MSR1: variants seen among roughly 807,000 people sequenced by gnomAD.
MSR1 encodes macrophage scavenger receptor 1, also known as macrophage scavenger receptor types I and II.
In MSR1, 53 loss-of-function variants were observed where a neutral mutation model predicts 47.2. The observed-to-expected ratio is 1.12, with a 90% CI of 0.90 to 1.41. The LOEUF is 1.41. Ranked by LOEUF, MSR1 falls within the 40% of genes most tolerant of loss-of-function variation. MSR1 has a pLI of 0.00. For synonymous variants in MSR1, 239 were observed against 185.6 expected, an observed-to-expected ratio of 1.29 and a Z score of -2.34; for missense variants, 786 against 546.9, an observed-to-expected ratio of 1.44 and a Z score of -4.36.
chr8:16,162,041 T>G (rs901852881), intron 5 of MSR1, among the ~76,000 whole-genome samples: 1 of 151,998 alleles, frequency 6.6e-6, no homozygotes, highest in African/African-American at 2.4e-5. Context: ...TCAAAGTGAA[T>G]GAAGCTGGTT....
chr8:16,109,443 T>A lies in MSR1; in HGVS notation c.*642A>T, dbSNP rs759266353. 1.3e-5 allele frequency: 2 copies of A among 152,532 alleles called. No homozygotes were observed. The highest frequency in any genetic ancestry group is 4.8e-5 in the African/African-American group (2 of 41,430). 9.4% of individuals were successfully genotyped at this position (152,532 alleles called of 1,614,324 possible). On this transcript the variant is annotated 3_prime_UTR_variant, in exon 10 of 10. Transcript: ENST00000262101. ...TACTGATGGTCAGTTTTCTCATATG[T>A]CCTGCTTTCAATTTACTTCATGATT... is the stretch of plus-strand genomic sequence containing the variant.
chr8:16,115,132 T>C (rs896811028), intron 9 of MSR1, among the ~76,000 whole-genome samples: 1 of 152,122 alleles, frequency 6.6e-6, no homozygotes, highest in Non-Finnish European at 1.5e-5. Flanking sequence ...TGAGCCGAGA[T>C]TGTGCCACTG....
chr8:16,131,441 G>GTTTTTTTTTTTTTGT (rs1800254491), intron 8 of MSR1, among the ~76,000 whole-genome samples: 7 of 54,688 alleles, frequency 1.3e-4, no homozygotes, highest in African/African-American at 5.7e-4. Context: ...TCTGTTGATA[G>GTTTTTTTTTTTTTGT]TTTTTTTTTT....
Position 16,109,985 on chromosome 8 carries a change from C to T in MSR1, c.*100G>A. 7.1e-7 allele frequency: 1 copy of T among 1,407,578 alleles called. No individual in the cohort carries two copies. Among genetic ancestry groups the T allele is most frequent in the Non-Finnish European group, 9.9e-7 (1 of 1,006,320 alleles). 87.2% of individuals were successfully genotyped at this position (1,407,578 alleles called of 1,614,324 possible). On this transcript the variant is annotated 3_prime_UTR_variant, in exon 10 of 10. Transcript: ENST00000262101. Reference sequence around the variant, plus strand: ...TCTAAAATATTATTTGGGCAATATTCTTAATCTCTTAAATATTGATTAAAT... The same window carrying T: ...TCTAAAATATTATTTGGGCAATATTTTTAATCTCTTAAATATTGATTAAAT...
intron 3 of MSR1, among the ~76,000 whole-genome samples, chr8:16,170,217 G>A (rs566503480): frequency 3.9e-5 from 6 of 151,936 alleles, no homozygotes; most frequent in African/African-American, 9.7e-5. Flanking sequence ...GCGTGGTGGC[G>A]GGCGCCTGCA....
rs143557776 is a variant in MSR1, at chr8:16,190,598, G to C, written c.-5+2000C>G. On this transcript the variant is annotated intron_variant, in intron 1 of 9. Coordinates refer to ENST00000262101, the MANE Select transcript of MSR1 (RefSeq NM_138715.3). ...ATCCCCACAGGTTTCTTTTACCTAA[G>C]CATGTGAATCAGCTCTTTATGTTTA... Among the ~76,000 whole-genome samples, 1,365 of 152,080 alleles carry C rather than the reference G, an allele frequency of 9.0e-3. 16 individuals are homozygous for C. The highest frequency in any genetic ancestry group is 0.031 in the African/African-American group (1,269 of 41,492).
chr8:16,187,770 C>T (rs935138353), intron 1 of MSR1, among the ~76,000 whole-genome samples: 1 of 152,244 alleles, frequency 6.6e-6, no homozygotes, highest in Non-Finnish European at 1.5e-5. Context: ...TCTTCTGTTA[C>T]ATATTGGAAA....
chr8:16,136,189 CAGAGA>C (rs1460277149), intron 8 of MSR1, among the ~76,000 whole-genome samples: 1 of 152,082 alleles, frequency 6.6e-6, no homozygotes, highest in Non-Finnish European at 1.5e-5. Flanking sequence ...TTGCATGCAG[CAGAGA>C]AATCTCTCAT....
At chr8:16,177,215 A>C (rs1021122068) in intron 2 of MSR1, among the ~76,000 whole-genome samples, 1 of 152,178 alleles carries the variant, frequency 6.6e-6, no homozygotes, top group African/African-American at 2.4e-5. Flanking sequence ...AAGTAAGTTT[A>C]TTTGGAAATA....
intron 1 of MSR1, chr8:16,186,292 G>C: frequency 8.3e-7 from 1 of 1,207,276 alleles, no homozygotes; most frequent in Non-Finnish European, 1.2e-6. Flanking sequence ...TCCAGTTTCT[G>C]TTCTGTTTTC....
At chr8:16,140,260 A>G (rs1335095123) in intron 8 of MSR1, 10 of 984,092 alleles carry the variant, frequency 1.0e-5, no homozygotes, top group Non-Finnish European at 1.2e-5. Flanking sequence ...TGTGCAATAG[A>G]ACAAGGCTCT....
intron 5 of MSR1, among the ~76,000 whole-genome samples, 169 bp downstream of exon 5, chr8:16,163,896 T>C (rs1237180068): frequency 1.3e-5 from 2 of 151,972 alleles, no homozygotes; most frequent in Non-Finnish European, 2.9e-5. Flanking sequence ...CTGGTTATCG[T>C]ACCCTGTCTT....
At chr8:16,189,087 C>T (rs570916354) in intron 1 of MSR1, among the ~76,000 whole-genome samples, 14 of 142,212 alleles carry the variant, frequency 9.8e-5, no homozygotes, top group East Asian at 4.2e-4. Flanking sequence ...TTCATATATA[C>T]GCAAAACCTT....
At chr8:16,137,571 T>C (rs183100588) in intron 8 of MSR1, among the ~76,000 whole-genome samples, 2 of 152,208 alleles carry the variant, frequency 1.3e-5, no homozygotes, top group East Asian at 1.9e-4. Flanking sequence ...ACTTTGGAGA[T>C]TTAAAGACCT....
At position 16,135,736 on chromosome 8, in the gene MSR1, T is replaced by C. The variant is rs11995799; in HGVS notation, c.1033+7822A>G. 2.2e-3 allele frequency among the ~76,000 whole-genome samples: 331 copies of C among 152,300 alleles called. 1 individual carries two copies. The highest frequency in any genetic ancestry group is 7.5e-3 in the African/African-American group (312 of 41,572). On this transcript the variant is annotated intron_variant, in intron 8 of 9. Coordinates refer to ENST00000262101, the MANE Select transcript of MSR1 (RefSeq NM_138715.3). ...TTTGGAAAGGTTTCACAATCCTATA[T>C]GGCATTAAAATAATTTATAATTCAT...
chr8:16,125,703 G>A (rs889108425), intron 8 of MSR1, among the ~76,000 whole-genome samples: 28 of 152,150 alleles, frequency 1.8e-4, no homozygotes, highest in Non-Finnish European at 1.2e-4. Flanking sequence ...ACCCTGGAAA[G>A]GAAGACAGGT....
At chr8:16,174,795 T>C (rs1254370657) in intron 3 of MSR1, among the ~76,000 whole-genome samples, 2 of 152,102 alleles carry the variant, frequency 1.3e-5, no homozygotes, top group African/African-American at 4.8e-5. Flanking sequence ...TTTTATATTA[T>C]AGCTATTGTT....
At chr8:16,165,140 C>T (rs1233204112) in intron 4 of MSR1, among the ~76,000 whole-genome samples, 2 of 152,032 alleles carry the variant, frequency 1.3e-5, no homozygotes, top group Non-Finnish European at 2.9e-5. Flanking sequence ...TTCTATAGAA[C>T]ATCTTCCTGA....
intron 1 of MSR1, among the ~76,000 whole-genome samples, chr8:16,179,364 TA>T (rs1801756758): frequency 6.6e-6 from 1 of 152,172 alleles, no homozygotes; most frequent in Non-Finnish European, 1.5e-5. Flanking sequence ...CCACAATGTT[TA>T]AATCCATTAG....
Sources: gnomAD v4.1 joint callset for allele counts (sites outside exome capture counted in the v4.1 genomes callset) on GRCh38, gnomAD v4.1.1 for gene constraint, MANE v1.5 for transcripts, NCBI Gene and HGNC (gene_info 2026-07-23, HGNC 2026-07-21) for gene names.